AGBL4: variants seen among roughly 807,000 people sequenced by gnomAD.
AGBL4 encodes cytosolic carboxypeptidase 6.
AGBL4 carries 58 observed loss-of-function variants against 66.4 expected under a neutral mutation model. The observed-to-expected ratio is 0.87, with a 90% CI of 0.71 to 1.09. AGBL4 has a LOEUF of 1.09. Ranked by LOEUF, AGBL4 falls within the 50% of genes least tolerant of loss-of-function variation. The pLI is 0.00. For synonymous variants in AGBL4, 234 were observed against 222.9 expected (o/e 1.05, Z -0.44); for missense variants, 579 against 631.0 (o/e 0.92, Z 0.88).
At chr1:49,971,109 G>A (rs984300818) in intron 1 of AGBL4, among the ~76,000 whole-genome samples, 4 of 152,154 alleles carry the variant, frequency 2.6e-5, no homozygotes, top group African/African-American at 9.7e-5. Context: ...CCCTTTATCT[G>A]TGGTTTTACT....
Position 48,598,862 on chromosome 1 carries a change from AT to A in AGBL4, c.952-7878del, listed in dbSNP as rs567782566. 9.2e-3 allele frequency among the ~76,000 whole-genome samples: 1,404 copies of A among 152,264 alleles called. 8 individuals are homozygous for A. Among genetic ancestry groups the A allele is most frequent in the Non-Finnish European group, 0.015 (1,001 of 68,028 alleles). On this transcript the variant is annotated intron_variant, in intron 9 of 13. Transcript: ENST00000371839. ...GACTTTTTTACTTTATAAACTTTTA[AT>A]TTTTTAAACTTTTTGACTCTTGTAA...
intron 3 of AGBL4, among the ~76,000 whole-genome samples, chr1:49,485,262 G>C (rs1488058650): frequency 6.6e-6 from 1 of 151,886 alleles, no homozygotes; most frequent in African/African-American, 2.4e-5. Context: ...ATACACCATG[G>C]AATACTATGC....
At chr1:49,426,692 A>G (rs1645667687) in intron 3 of AGBL4, among the ~76,000 whole-genome samples, 1 of 152,334 alleles carries the variant, frequency 6.6e-6, no homozygotes, top group Non-Finnish European at 1.5e-5. Flanking sequence ...CAAGAATTCT[A>G]TGAAGTAGGT....
chr1:49,884,779 A>G lies in AGBL4; in HGVS notation c.35-33261T>C, dbSNP rs529598719. ...CTGACATTGGTTCTACAGCCTTTAAAAAATAATGTATGAATAATGAATATT... is the reference window on the plus strand; with the variant it reads ...CTGACATTGGTTCTACAGCCTTTAAGAAATAATGTATGAATAATGAATATT... On this transcript the variant is annotated intron_variant, in intron 1 of 13. Coordinates refer to ENST00000371839, the MANE Select transcript of AGBL4 (RefSeq NM_032785.4). 1.4e-3 allele frequency among the ~76,000 whole-genome samples: 210 copies of G among 152,050 alleles called. 1 individual carries two copies. The highest frequency in any genetic ancestry group is 4.7e-3 in the African/African-American group (197 of 41,562).
intron 3 of AGBL4, among the ~76,000 whole-genome samples, chr1:49,553,658 T>C (rs1653152056): frequency 6.6e-6 from 1 of 152,164 alleles, no homozygotes. Flanking sequence ...TAAAAAGTTA[T>C]CACCACCAGT....
chr1:49,961,289 A>C (rs577539655), intron 1 of AGBL4, among the ~76,000 whole-genome samples: 1 of 152,208 alleles, frequency 6.6e-6, no homozygotes, highest in Non-Finnish European at 1.5e-5. Flanking sequence ...CAGGAAGATC[A>C]CTTGAAGCCA....
At chr1:48,646,989 G>T (rs753408799) in intron 8 of AGBL4, among the ~76,000 whole-genome samples, 68 of 152,240 alleles carry the variant, frequency 4.5e-4, no homozygotes, top group Non-Finnish European at 7.1e-4. Flanking sequence ...GTTCTTATTG[G>T]CAAGAACTGC....
chr1:49,324,477 A>T (rs1262118495), intron 3 of AGBL4, among the ~76,000 whole-genome samples: 2 of 152,250 alleles, frequency 1.3e-5, no homozygotes, highest in Non-Finnish European at 2.9e-5. Context: ...TTAGAATATC[A>T]GAGGGAGAAA....
chr1:48,899,191 GGC>G (rs1651845552), intron 5 of AGBL4, among the ~76,000 whole-genome samples: 1 of 152,224 alleles, frequency 6.6e-6, no homozygotes, highest in African/African-American at 2.4e-5. Flanking sequence ...TGTAGCCGTG[GGC>G]AGGCGGCTCA....
At chr1:49,041,972 C>T (rs1643953101) in intron 5 of AGBL4, among the ~76,000 whole-genome samples, 1 of 152,058 alleles carries the variant, frequency 6.6e-6, no homozygotes, top group South Asian at 2.1e-4. Flanking sequence ...GGCTTAAAAG[C>T]AAAATCTTAG....
At chr1:48,676,626 G>A (rs551730267) in intron 6 of AGBL4, among the ~76,000 whole-genome samples, 6 of 152,316 alleles carry the variant, frequency 3.9e-5, no homozygotes, top group East Asian at 1.9e-4. Flanking sequence ...GGTGCTCTGC[G>A]TCTGCAGAGG....
rs1340646471 is a variant in AGBL4 at position 49,814,781 on chromosome 1, C to T, written c.157+36615G>A. ...ATCTAGGTCTAGTGCTACCAAGATACCTGGAATAGGAAATAAATGGCAGAA... is the reference window on the plus strand; with the variant it reads ...ATCTAGGTCTAGTGCTACCAAGATATCTGGAATAGGAAATAAATGGCAGAA... On this transcript the variant is annotated intron_variant, in intron 2 of 13. Transcript: ENST00000371839. Among the ~76,000 whole-genome samples the T allele has an allele frequency of 2.0e-5, 3 of 152,112 alleles. No individual in the cohort carries two copies. In the South Asian group the frequency reaches 6.2e-4, roughly 32 times the overall value.
chr1:49,608,020 G>A (rs1372599079), intron 3 of AGBL4, among the ~76,000 whole-genome samples: 1 of 152,118 alleles, frequency 6.6e-6, no homozygotes, highest in Non-Finnish European at 1.5e-5. Flanking sequence ...TGTCTTTTAT[G>A]TGCCAGACTC....
At chr1:48,646,513 ATGTGTGTGTG>A (rs61233999) in intron 8 of AGBL4, among the ~76,000 whole-genome samples, 2,111 of 131,510 alleles carry the variant, frequency 0.016, 46 homozygotes, top group African/African-American at 0.055. Flanking sequence ...ACCAGTTATA[ATGTGTGTGTG>A]TGTGTGTGTG....
intron 5 of AGBL4, among the ~76,000 whole-genome samples, chr1:48,888,554 C>A (rs1650595783): frequency 6.6e-6 from 1 of 152,116 alleles, no homozygotes; most frequent in South Asian, 2.1e-4. Context: ...AAGGCCTTTC[C>A]CAGAATGGTG....
chr1:49,648,798 A>T (rs1224013547), intron 3 of AGBL4, among the ~76,000 whole-genome samples: 4 of 148,388 alleles, frequency 2.7e-5, no homozygotes, highest in Non-Finnish European at 4.5e-5. Flanking sequence ...TTTCTCAAAT[A>T]AAAAAAAAAG....
At chr1:49,677,357 G>A (rs1208526680) in intron 3 of AGBL4, among the ~76,000 whole-genome samples, 2 of 152,064 alleles carry the variant, frequency 1.3e-5, no homozygotes, top group East Asian at 3.8e-4. Context: ...ATATGATCAT[G>A]TGATTTTTTT....
intron 6 of AGBL4, among the ~76,000 whole-genome samples, chr1:48,837,711 CTATATATATATATATATA>C (rs58650623): frequency 1.2e-5 from 1 of 82,298 alleles, no homozygotes; most frequent in African/African-American, 4.5e-5. Flanking sequence ...CACACACACA[CTATATATATATATATATA>C]TATATATATA....
chr1:49,731,235 T>C (rs948278199), intron 2 of AGBL4, among the ~76,000 whole-genome samples: 7 of 152,136 alleles, frequency 4.6e-5, no homozygotes, highest in Non-Finnish European at 1.0e-4. Flanking sequence ...TTCCTCTCAT[T>C]TCTCCATCAA....
Sources: gnomAD v4.1 joint callset for allele counts (sites outside exome capture counted in the v4.1 genomes callset) on GRCh38, gnomAD v4.1.1 for gene constraint, MANE v1.5 for transcripts, NCBI Gene and HGNC (gene_info 2026-07-23, HGNC 2026-07-21) for gene names.